The following DPY19L1 variants were observed in gnomAD, a reference collection of about 807,000 sequenced individuals.
DPY19L1 encodes the protein protein C-mannosyl-transferase DPY19L1.
A neutral mutation model predicts 96.9 loss-of-function variants in DPY19L1; 35 were observed. The observed-to-expected ratio is 0.36, with a 90% CI of 0.28 to 0.48. The LOEUF (loss-of-function observed/expected upper bound fraction) is 0.48. DPY19L1 is among the 20% of genes least tolerant of loss of function. The pLI, the probability that DPY19L1 is intolerant of heterozygous loss-of-function variation, is 0.99. For missense variants in DPY19L1, 521 were observed against 777.9 expected (o/e 0.67, Z 3.93); for synonymous variants, 205 against 252.6 (o/e 0.81, Z 1.79).
At chr7:34,994,697 G>A (rs549330776) in intron 6 of DPY19L1, among the ~76,000 whole-genome samples, 6 of 152,046 alleles carry the variant, frequency 3.9e-5, no homozygotes, top group Admixed American at 2.0e-4. Context: ...CCAGCTACTC[G>A]GAAGGCTGAG....
intron 15 of DPY19L1, 87 bp from the exon 16 acceptor site, chr7:34,945,803 C>A (rs1784133184): frequency 1.1e-6 from 1 of 887,720 alleles, no homozygotes; most frequent in Non-Finnish European, 1.8e-6. Context: ...TGTAAAATAA[C>A]TTTTAATGAA....
chr7:34,976,392 G>A (rs1419346723), intron 7 of DPY19L1, among the ~76,000 whole-genome samples: 1 of 152,204 alleles, frequency 6.6e-6, no homozygotes, highest in East Asian at 1.9e-4. Flanking sequence ...AAATTTAAAG[G>A]ATAAGGAGTT....
At chr7:34,938,747 T>A (rs539476260) in intron 20 of DPY19L1, among the ~76,000 whole-genome samples, 38 of 151,842 alleles carry the variant, frequency 2.5e-4, no homozygotes, top group Middle Eastern at 3.4e-3. Flanking sequence ...ATTAAATTTT[T>A]AAAAAAAAAT....
In DPY19L1 at chr7:34,949,896, A is replaced by T; in HGVS notation, c.1323T>A (p.Ala441=). ...TSKIFGIADD[A]HIGNLLTSKF... Reference sequence around the variant, plus strand: ...TTGATGTTAGTAAGTTGCCAATATGAGCCTGGTAAGAAATAAAGTTACCAT... The same window carrying T: ...TTGATGTTAGTAAGTTGCCAATATGTGCCTGGTAAGAAATAAAGTTACCAT... Residue 441 remains alanine, a splice_region_variant and synonymous_variant, in exon 14 of 22, where the codon GCT becomes GCA. Coordinates refer to ENST00000638088, the MANE Select transcript of DPY19L1 (RefSeq NM_001366673.1). 1 of 1,524,612 alleles carries T rather than the reference A, an allele frequency of 6.6e-7. No individual in the cohort carries two copies. Among genetic ancestry groups the T allele is most frequent in the Non-Finnish European group, 9.0e-7 (1 of 1,113,668 alleles). 94.4% of individuals were successfully genotyped at this position (1,524,612 alleles called of 1,614,324 possible).
chr7:35,004,118 C>T (rs1785495558), intron 6 of DPY19L1, among the ~76,000 whole-genome samples: 1 of 152,164 alleles, frequency 6.6e-6, no homozygotes. Context: ...TCACATCTCA[C>T]GTATACCATT....
Position 35,037,386 on chromosome 7 carries a change from C to G in DPY19L1, c.9G>C (p.Leu3=), listed in dbSNP as rs926542661. The G allele has an allele frequency of 3.5e-5, 12 of 347,222 alleles. No homozygotes were observed. The highest frequency in any genetic ancestry group is 1.5e-4 in the African/African-American group (7 of 46,322). The allele number at this position is 347,222 out of a possible 1,614,324, so 21.5% of individuals were successfully genotyped here. The change falls in exon 1 of 22, where the codon CTG becomes CTC. Residue 3 remains leucine (L), a synonymous_variant. Coordinates refer to ENST00000638088, the MANE Select transcript of DPY19L1 (RefSeq NM_001366673.1). MV[L]QARNKHREAA... Reference sequence around the variant, plus strand: ...CCTCCCGGTGCTTGTTCCGCGCCTGCAGGACCATCTTGGCATAGTCGCGCC... The same window carrying G: ...CCTCCCGGTGCTTGTTCCGCGCCTGGAGGACCATCTTGGCATAGTCGCGCC...
chr7:34,933,278 T>G (rs1783795754), intron 21 of DPY19L1, among the ~76,000 whole-genome samples: 1 of 152,212 alleles, frequency 6.6e-6, no homozygotes, highest in Non-Finnish European at 1.5e-5. Flanking sequence ...TGTGTAGTCT[T>G]TTATCCCTCA....
chr7:35,021,349 G>A (rs1321886556), intron 1 of DPY19L1, among the ~76,000 whole-genome samples: 2 of 152,174 alleles, frequency 1.3e-5, no homozygotes, highest in African/African-American at 4.8e-5. Context: ...TCAGAATAAG[G>A]ATGGGAGGTG....
In DPY19L1 at chr7:34,996,636, A is replaced by C. The variant is rs1439528277; in HGVS notation, c.765-6695T>G. Among the ~76,000 whole-genome samples, 5 of 151,604 alleles carry C rather than the reference A, an allele frequency of 3.3e-5. No individual in the cohort carries two copies. The East Asian group carries it at 9.6e-4, about 29-fold the overall frequency. ...CCTACCCAAAGCCTGCTCCCTCTAC[A>C]CTGCAGAGTGTGTTGTCTTTAACAA... On this transcript the variant is annotated intron_variant, in intron 6 of 21. Transcript: ENST00000638088.
At chr7:35,007,965 C>A (rs1785605201) in intron 6 of DPY19L1, among the ~76,000 whole-genome samples, 1 of 152,068 alleles carries the variant, frequency 6.6e-6, no homozygotes. Flanking sequence ...TCCAGCACAA[C>A]CTCTGTTCCA....
rs329239 is a variant in DPY19L1, at chr7:35,017,667, G to A, written c.411+215C>T. ...AGCCTGGGCGACAGAGCGAGACTCCGTCTCGAAAAAAAAATTAATAAATAA... is the reference window on the plus strand; with the variant it reads ...AGCCTGGGCGACAGAGCGAGACTCCATCTCGAAAAAAAAATTAATAAATAA... On this transcript the variant is annotated intron_variant, in intron 3 of 21. Coordinates refer to ENST00000638088, the MANE Select transcript of DPY19L1 (RefSeq NM_001366673.1). Among the ~76,000 whole-genome samples the A allele has an allele frequency of 1.5e-3, 233 of 151,268 alleles. 1 individual carries two copies. The highest frequency in any genetic ancestry group is 5.4e-3 in the African/African-American group (222 of 41,326).
rs552711031 is a variant in DPY19L1 at position 35,018,478 on chromosome 7, C to A, written c.323+94G>T. On this transcript the variant is annotated intron_variant, in intron 2 of 21. Coordinates refer to ENST00000638088, the MANE Select transcript of DPY19L1 (RefSeq NM_001366673.1). ...ACATGTAATATATATTCATACTGAT[C>A]ATGCTGAAATTATTCCTTTAAATGT... The A allele has an allele frequency of 3.5e-6, 4 of 1,138,146 alleles. No homozygotes were observed. In the Admixed American group the frequency reaches 8.2e-5, roughly 23 times the overall value. 70.5% of individuals were successfully genotyped at this position (1,138,146 alleles called of 1,614,324 possible).
At chr7:34,982,394 A>G (rs1426255991) in intron 7 of DPY19L1, among the ~76,000 whole-genome samples, 1 of 152,222 alleles carries the variant, frequency 6.6e-6, no homozygotes, top group Admixed American at 6.5e-5. Context: ...TGTCTGTGTC[A>G]GTGTTTGTAT....
intron 21 of DPY19L1, among the ~76,000 whole-genome samples, chr7:34,933,887 G>A (rs1271769036): frequency 6.6e-6 from 1 of 152,218 alleles, no homozygotes; most frequent in Non-Finnish European, 1.5e-5. Context: ...TCAGCTTGCA[G>A]ATGGCCTATT....
chr7:34,993,383 CT>C (rs1381648120), intron 6 of DPY19L1, among the ~76,000 whole-genome samples: 1 of 152,082 alleles, frequency 6.6e-6, no homozygotes, highest in African/African-American at 2.4e-5. Flanking sequence ...CAGCCTTTAT[CT>C]TAATTTCTTA....
At chr7:35,013,797 A>C (rs1388607580) in intron 3 of DPY19L1, 92 bp from the exon 4 acceptor site, 1 of 936,016 alleles carries the variant, frequency 1.1e-6, no homozygotes, top group East Asian at 2.7e-5. Flanking sequence ...AAAACAAAGC[A>C]ATTAAGTAAT....
In DPY19L1 at chr7:34,942,623, G is replaced by A. The variant is rs1159232365; in HGVS notation, c.1561C>T (p.His521Tyr). 1.9e-6 allele frequency: 3 copies of A among 1,594,440 alleles called. No individual in the cohort carries two copies. Among genetic ancestry groups the A allele is most frequent in the East Asian group, 2.3e-5 (1 of 44,392 alleles). ...TCATATTAAGTCTTTACCTCTCCAT[G>A]ATCAAACTGGTGTTTTCTGGAACAG... is the stretch of plus-strand genomic sequence containing the variant. ...QTHVRKHQFDHGELVYHALQL... is the reference protein window; with the variant it reads ...QTHVRKHQFDYGELVYHALQL... The change falls in exon 17 of 22, where the codon CAT (histidine) becomes TAT (tyrosine). Residue 521 changes from histidine (H) to tyrosine (Y), a missense_variant. Coordinates refer to ENST00000638088, the MANE Select transcript of DPY19L1 (RefSeq NM_001366673.1).
chr7:34,947,564 G>C (rs1244676862), intron 15 of DPY19L1, 66 bp downstream of exon 15: 23 of 1,386,582 alleles, frequency 1.7e-5, no homozygotes, highest in Admixed American at 7.9e-5. Context: ...CCAAGTATAT[G>C]CGACTACTAT....
chr7:35,018,315 C>T (rs1785908887), intron 2 of DPY19L1, among the ~76,000 whole-genome samples: 1 of 152,144 alleles, frequency 6.6e-6, no homozygotes, highest in Non-Finnish European at 1.5e-5. Flanking sequence ...AAATTAATCT[C>T]TCTCTCACCA....
Sources: allele counts gnomAD v4.1 joint callset (sites outside exome capture counted in the v4.1 genomes callset), GRCh38; gene constraint gnomAD v4.1.1; transcripts MANE v1.5; gene names NCBI Gene and HGNC (gene_info 2026-07-23, HGNC 2026-07-21).